The following ZNF536 variants were observed in gnomAD, a reference collection of about 807,000 sequenced individuals.
ZNF536 encodes zinc finger protein 536.
Under a neutral mutation model 84.5 loss-of-function variants are expected in ZNF536, and 13 were observed. That is an observed-to-expected ratio of 0.15 (90% CI 0.10 to 0.24). The LOEUF (loss-of-function observed/expected upper bound fraction) is 0.24. Among genes scored for constraint, ZNF536 ranks in the 10% least tolerant of loss-of-function variants. ZNF536 has a pLI of 1.00. For missense variants in ZNF536, 1,536 were observed against 1,747.5 expected, an observed-to-expected ratio of 0.88 and a Z score of 2.16; for synonymous variants, 811 against 742.5, an observed-to-expected ratio of 1.09 and a Z score of -1.50.
intron 1 of ZNF536, among the ~76,000 whole-genome samples, chr19:30,642,373 A>G (rs2049298699): frequency 6.6e-6 from 1 of 152,098 alleles, no homozygotes; most frequent in South Asian, 2.1e-4. Flanking sequence ...TCTTCTAGTC[A>G]ATCCTTCCCT....
At chr19:30,232,650 C>G (rs1014698427) in intron 1 of ZNF536, among the ~76,000 whole-genome samples, 2 of 152,212 alleles carry the variant, frequency 1.3e-5, no homozygotes, top group South Asian at 2.1e-4. Context: ...TAAGCAGCAT[C>G]AAGCACTTGG....
chr19:30,538,643 G>T (rs576175481), intron 3 of ZNF536, among the ~76,000 whole-genome samples: 170 of 152,270 alleles, frequency 1.1e-3, no homozygotes, highest in Non-Finnish European at 1.7e-3. Flanking sequence ...GCTGCTGCAG[G>T]ATCTCGGGAG....
intron 1 of ZNF536, among the ~76,000 whole-genome samples, chr19:30,430,770 G>A (rs868388532): frequency 6.6e-6 from 1 of 152,188 alleles, no homozygotes; most frequent in South Asian, 2.1e-4. Context: ...CACCTCCCCA[G>A]TTCAAGCGAT....
intron 1 of ZNF536, among the ~76,000 whole-genome samples, chr19:30,253,285 A>T (rs1214588576): frequency 6.6e-6 from 1 of 152,218 alleles, no homozygotes; most frequent in African/African-American, 2.4e-5. Flanking sequence ...TGACATTGAG[A>T]CATTTTTTGA....
At chr19:30,533,088 G>A (rs1161456071) in intron 2 of ZNF536, among the ~76,000 whole-genome samples, 4 of 152,290 alleles carry the variant, frequency 2.6e-5, no homozygotes, top group East Asian at 3.9e-4. Context: ...AAGAGTTGGG[G>A]AGAATAGGAT....
rs1418633189 is a variant in ZNF536 at position 30,286,563 on chromosome 19, A to G, written c.-120+2422A>G. Among the ~76,000 whole-genome samples, 15 of 150,830 alleles carry G rather than the reference A, an allele frequency of 9.9e-5. No individual in the cohort carries two copies. In the Admixed American group the frequency reaches 1.0e-3, roughly 10 times the overall value. ...GAGAGAGAGAAAGAGAGAGACCGAG[A>G]GAGACAGAAAGACAGACAGAGAGAG... On this transcript the variant is annotated intron_variant, in intron 2 of 5. Coordinates refer to the ZNF536 transcript ENST00000585628.
chr19:30,609,895 T>TATCCATCC (rs202076068), intron 1 of ZNF536, among the ~76,000 whole-genome samples: 4,091 of 140,934 alleles, frequency 0.029, 76 homozygotes, highest in Middle Eastern at 0.057. Context: ...TCCACCCATT[T>TATCCATCC]ATCCATCCAT....
At chr19:30,479,197 A>G (rs1281275250) in intron 2 of ZNF536, among the ~76,000 whole-genome samples, 1 of 152,176 alleles carries the variant, frequency 6.6e-6, no homozygotes, top group Non-Finnish European at 1.5e-5. Context: ...TGTTGGGCAC[A>G]AGCAGCTTTT....
intron 2 of ZNF536, among the ~76,000 whole-genome samples, chr19:30,446,173 C>G (rs558751141): frequency 3.3e-4 from 41 of 125,234 alleles, no homozygotes; most frequent in African/African-American, 1.0e-3. Flanking sequence ...CGCTTGAGCC[C>G]GGGAGGGGGA....
intron 1 of ZNF536, among the ~76,000 whole-genome samples, chr19:30,584,323 A>G (rs1191224930): frequency 1.3e-5 from 2 of 152,134 alleles, no homozygotes; most frequent in African/African-American, 4.8e-5. Flanking sequence ...TGTTATTTAC[A>G]CTTTCAAATC....
At chr19:30,656,428 C>T (rs1161031823) in intron 1 of ZNF536, among the ~76,000 whole-genome samples, 2 of 152,266 alleles carry the variant, frequency 1.3e-5, no homozygotes, top group Middle Eastern at 3.4e-3. Flanking sequence ...TTGGTTATCC[C>T]CTTGGCTGGA....
intron 1 of ZNF536, among the ~76,000 whole-genome samples, chr19:30,396,838 C>T (rs1340650341): frequency 6.6e-6 from 1 of 152,184 alleles, no homozygotes; most frequent in African/African-American, 2.4e-5. Context: ...CTCCTGACCT[C>T]AGGTGATCTG....
At chr19:30,280,821 T>C (rs2045414611) in intron 1 of ZNF536, among the ~76,000 whole-genome samples, 1 of 152,174 alleles carries the variant, frequency 6.6e-6, no homozygotes, top group Non-Finnish European at 1.5e-5. Context: ...TAGGCAGCTC[T>C]GGGACGATAT....
At chr19:30,340,124 G>T (rs1477430854) in intron 2 of ZNF536, among the ~76,000 whole-genome samples, 1 of 152,130 alleles carries the variant, frequency 6.6e-6, no homozygotes, top group Non-Finnish European at 1.5e-5. Context: ...TGGGGACAGG[G>T]TAACAGGTCA....
chr19:30,607,262 T>G (rs8109483), intron 1 of ZNF536, among the ~76,000 whole-genome samples: 1 of 151,988 alleles, frequency 6.6e-6, no homozygotes, highest in Non-Finnish European at 1.5e-5. Context: ...AAAATTCATG[T>G]GAAACTTTTT....
chr19:30,516,381 G>C (rs1474181059), intron 2 of ZNF536, among the ~76,000 whole-genome samples: 1 of 152,194 alleles, frequency 6.6e-6, no homozygotes, highest in Non-Finnish European at 1.5e-5. Context: ...AATATTTGCT[G>C]GCTGAATGAA....
rs139831955 is a variant in ZNF536, at chr19:30,605,835, T to C, written c.169+56321T>C. ...CCAGCTCACAGTCCATGTACTTCCA[T>C]CACACAGATTCCCATCTTCCTTCTA... On this transcript the variant is annotated intron_variant, in intron 1 of 1. Transcript: ENST00000592773. Among the ~76,000 whole-genome samples the C allele has an allele frequency of 7.2e-5, 11 of 152,288 alleles. No homozygotes were observed. In the East Asian group the frequency reaches 2.1e-3, roughly 29 times the overall value.
chr19:30,279,708 C>CTCT (rs2045368224), intron 1 of ZNF536, among the ~76,000 whole-genome samples: 2 of 152,194 alleles, frequency 1.3e-5, no homozygotes, highest in Non-Finnish European at 2.9e-5. Context: ...AGAGAGCCTG[C>CTCT]TCTTGGTAGA....
chr19:30,332,187 C>A (rs1466050832), intron 2 of ZNF536, among the ~76,000 whole-genome samples: 1 of 152,128 alleles, frequency 6.6e-6, no homozygotes, highest in African/African-American at 2.4e-5. Context: ...TCCTCTTTGC[C>A]CCCCGGCCTC....
Sources: gnomAD v4.1 joint callset for allele counts (sites outside exome capture counted in the v4.1 genomes callset) on GRCh38, gnomAD v4.1.1 for gene constraint, MANE v1.5 for transcripts, NCBI Gene and HGNC (gene_info 2026-07-23, HGNC 2026-07-21) for gene names.